Variants in FUNDC2 observed in about 807,000 individuals in gnomAD.
FUNDC2 encodes FUN14 domain containing 2.
FUNDC2 carries 4 observed loss-of-function variants against 15.6 expected under a neutral mutation model. That is an observed-to-expected ratio of 0.26 (90% CI 0.13 to 0.59). The LOEUF (loss-of-function observed/expected upper bound fraction) is 0.59, where lower values mean the gene tolerates loss of function less well. FUNDC2 is among the 20% of genes least tolerant of loss of function. The pLI is 0.90. For missense variants in FUNDC2, 98 were observed against 149.7 expected, an observed-to-expected ratio of 0.65 and a Z score of 1.80; for synonymous variants, 44 against 56.9, an observed-to-expected ratio of 0.77 and a Z score of 1.02.
rs368083325 is a variant in FUNDC2, at chrX:155,057,852, G to T, written c.*3180G>T. 9.0e-6 allele frequency: 1 copy of T among 111,563 alleles called. No individual in the cohort carries two copies. The highest frequency in any genetic ancestry group is 3.8e-4 in the South Asian group (1 of 2,640). 9.2% of individuals were successfully genotyped at this position (111,563 alleles called of 1,213,427 possible). ...TCCCCAGAGTCGGAGAGCAGAGACG[G>T]ATCCAGGGGCACTTTCTGGCCGCTG... On this transcript the variant is annotated 3_prime_UTR_variant, in exon 5 of 5. Transcript: ENST00000369498.
intron 2 of FUNDC2, among the ~76,000 whole-genome samples, chrX:155,044,113 A>G (rs1385737390): frequency 8.9e-6 from 1 of 112,250 alleles, no homozygotes; most frequent in Non-Finnish European, 1.9e-5. Context: ...TGTAGGCTTT[A>G]TGGATCACAC....
chrX:155,052,918 G>A (rs1166195385), intron 4 of FUNDC2, among the ~76,000 whole-genome samples: 2 of 112,699 alleles, frequency 1.8e-5, no homozygotes, highest in Non-Finnish European at 3.8e-5. Context: ...TCACTCTGTT[G>A]CCCAGGCTGG....
chrX:155,030,080 A>G (rs187001415), intron 1 of FUNDC2, among the ~76,000 whole-genome samples: 36 of 111,779 alleles, frequency 3.2e-4, no homozygotes, highest in Admixed American at 2.9e-3. Flanking sequence ...TATTGGTCTT[A>G]TAATGTGTGA....
intron 4 of FUNDC2, among the ~76,000 whole-genome samples, chrX:155,053,128 C>G (rs1289003094): frequency 8.9e-6 from 1 of 112,582 alleles, no homozygotes; most frequent in Non-Finnish European, 1.9e-5. Flanking sequence ...CTCGGCCTCC[C>G]AAAGTGCTGG....
At position 155,057,095 on chromosome X, in the gene FUNDC2, C is replaced by T. The variant is rs1306755794; in HGVS notation, c.*2423C>T. On this transcript the variant is annotated 3_prime_UTR_variant, in exon 5 of 5. Coordinates refer to ENST00000369498, the MANE Select transcript of FUNDC2 (RefSeq NM_023934.4). ...GCCCACGGTGTGAGGCCACTGTGAC[C>T]ACTTGGGATTGTGCAGAGCTGGCAT... The T allele has an allele frequency of 3.8e-5, 4 of 104,697 alleles. No individual in the cohort carries two copies. Among genetic ancestry groups the T allele is most frequent in the African/African-American group, 1.0e-4 (3 of 29,438 alleles). 8.6% of individuals were successfully genotyped at this position (104,697 alleles called of 1,213,427 possible).
rs1224103927 is a variant in FUNDC2, at chrX:155,056,329, GAATT to G, written c.*1659_*1662del. On this transcript the variant is annotated 3_prime_UTR_variant, in exon 5 of 5. Transcript: ENST00000369498. ...TTCAGTATGTATCTCTAAAAGGTAA[GAATT>G]ATTTCTAAAAATCATAAATACCTCA... 3.6e-5 allele frequency: 4 copies of G among 111,132 alleles called. No homozygotes were observed. Among genetic ancestry groups the G allele is most frequent in the South Asian group, 3.7e-4 (1 of 2,678 alleles). 9.2% of individuals were successfully genotyped at this position (111,132 alleles called of 1,213,427 possible).
At position 155,055,149 on chromosome X, in the gene FUNDC2, T is replaced by G. The variant is rs782523293; in HGVS notation, c.*477T>G. 3.4e-6 allele frequency: 1 copy of G among 297,403 alleles called. No homozygotes were observed. Among genetic ancestry groups the G allele is most frequent in the Non-Finnish European group, 5.8e-6 (1 of 170,991 alleles). The allele number at this position is 297,403 out of a possible 1,213,427, so 24.5% of individuals were successfully genotyped here. On this transcript the variant is annotated 3_prime_UTR_variant, in exon 5 of 5. Coordinates refer to ENST00000369498, the MANE Select transcript of FUNDC2 (RefSeq NM_023934.4). ...GGTGTCTACTTTCTTTTTTAGTTGG[T>G]TTTACATTACAGAAAGCTATTTAAA...
At position 155,056,175 on chromosome X, in the gene FUNDC2, A is replaced by G. The variant is rs1338506766; in HGVS notation, c.*1503A>G. The stretch of plus-strand genomic sequence containing the variant: ...TTATGGACGCTTTCAGGAATATATA[A>G]AAGTAGAGAATATAGTACAATAATC... On this transcript the variant is annotated 3_prime_UTR_variant, in exon 5 of 5. Transcript: ENST00000369498. 3 of 111,999 alleles carry G rather than the reference A, an allele frequency of 2.7e-5. No homozygotes were observed. Among genetic ancestry groups the G allele is most frequent in the African/African-American group, 9.7e-5 (3 of 30,785 alleles). The allele number at this position is 111,999 out of a possible 1,213,427, so 9.2% of individuals were successfully genotyped here.
chrX:155,028,087 T>C (rs1447656654), intron 1 of FUNDC2, among the ~76,000 whole-genome samples: 2 of 112,459 alleles, frequency 1.8e-5, no homozygotes, highest in African/African-American at 6.4e-5. Context: ...ACTGCTCTTA[T>C]AGACTTTTAT....
intron 2 of FUNDC2, among the ~76,000 whole-genome samples, chrX:155,035,837 T>G (rs1214640738): frequency 8.9e-6 from 1 of 112,390 alleles, no homozygotes; most frequent in Non-Finnish European, 1.9e-5. Flanking sequence ...TTTCTGTTTA[T>G]CAACAGTTCA....
rs782684107 is a variant in FUNDC2 at position 155,051,751 on chromosome X, A to G, written c.442A>G (p.Ile148Val). ...GAAGAAAGCCAAAGAGCAGCTGAAG[A>G]TCCGTAAGAGCAATCAGATACCTAC... ...DMKKAKEQLK[I>V]RKSNQIPTEV... The change falls in exon 4 of 5, where the codon ATC becomes GTC. Residue 148 changes from isoleucine (I) to valine (V), a missense_variant. Coordinates refer to ENST00000369498, the MANE Select transcript of FUNDC2 (RefSeq NM_023934.4). 1 of 1,211,260 alleles carries G rather than the reference A, an allele frequency of 8.3e-7. No homozygotes were observed. Among genetic ancestry groups the G allele is most frequent in the Admixed American group, 2.2e-5 (1 of 46,108 alleles).
At chrX:155,048,310 G>A (rs2124196108) in intron 3 of FUNDC2, among the ~76,000 whole-genome samples, 1 of 111,734 alleles carries the variant, frequency 8.9e-6, no homozygotes, top group East Asian at 2.8e-4. Context: ...CATAATGTTG[G>A]GAGATCAGTT....
Position 155,026,848 on chromosome X carries a change from C to G in FUNDC2, c.-91C>G. 1 of 1,129,277 alleles carries G rather than the reference C, an allele frequency of 8.9e-7. No individual in the cohort carries two copies. Among genetic ancestry groups the G allele is most frequent in the Non-Finnish European group, 1.2e-6 (1 of 851,659 alleles). 93.1% of individuals were successfully genotyped at this position (1,129,277 alleles called of 1,213,427 possible). On this transcript the variant is annotated 5_prime_UTR_variant, in exon 1 of 5. Coordinates refer to ENST00000369498, the MANE Select transcript of FUNDC2 (RefSeq NM_023934.4). ...GGGCGGGACCGCGGGGCCTGTGACA[C>G]CGCACGCTGAGCTCTGTGATGTAGC...
In FUNDC2 at chrX:155,056,133, T is replaced by A. The variant is rs2073894858; in HGVS notation, c.*1461T>A. The stretch of plus-strand genomic sequence containing the variant: ...CTGCATATTTTGCTATAAGAACTTA[T>A]TTTTTTTCACTTTTTATTATGGACG... On this transcript the variant is annotated 3_prime_UTR_variant, in exon 5 of 5. Coordinates refer to ENST00000369498, the MANE Select transcript of FUNDC2 (RefSeq NM_023934.4). The A allele has an allele frequency of 9.0e-6, 1 of 111,219 alleles. No homozygotes were observed. The highest frequency in any genetic ancestry group is 3.3e-5 in the African/African-American group (1 of 30,559). 9.2% of individuals were successfully genotyped at this position (111,219 alleles called of 1,213,427 possible).
chrX:155,038,997 A>G (rs1179367587), intron 2 of FUNDC2, among the ~76,000 whole-genome samples: 1 of 112,336 alleles, frequency 8.9e-6, no homozygotes, highest in Non-Finnish European at 1.9e-5. Context: ...TTTTCTCTAC[A>G]TCCTCACCAA....
Position 155,058,911 on chromosome X carries a change from T to C in FUNDC2, c.*4239T>C, listed in dbSNP as rs1443872749. 1 of 111,621 alleles carries C rather than the reference T, an allele frequency of 9.0e-6. No individual in the cohort carries two copies. Among genetic ancestry groups the C allele is most frequent in the Non-Finnish European group, 1.9e-5 (1 of 53,095 alleles). 9.2% of individuals were successfully genotyped at this position (111,621 alleles called of 1,213,427 possible). On this transcript the variant is annotated 3_prime_UTR_variant, in exon 5 of 5. Coordinates refer to ENST00000369498, the MANE Select transcript of FUNDC2 (RefSeq NM_023934.4). ...CTGACTTTTCAAAAGTGTCTACCTT[T>C]TTAAATTTTAAAATGGTAAGAAATG... is the stretch of plus-strand genomic sequence containing the variant.
intron 2 of FUNDC2, among the ~76,000 whole-genome samples, chrX:155,043,493 AT>A (rs1557289787): frequency 8.9e-6 from 1 of 111,770 alleles, no homozygotes; most frequent in East Asian, 2.8e-4. Flanking sequence ...GGTGCTAGAT[AT>A]TTTTTATTCT....
chrX:155,054,174 A>G lies in FUNDC2; in HGVS notation c.493-421A>G, dbSNP rs2073886895. 8.0e-6 allele frequency: 6 copies of G among 751,882 alleles called. No homozygotes were observed. The South Asian group carries it at 4.1e-4, about 51-fold the overall frequency. 62.0% of individuals were successfully genotyped at this position (751,882 alleles called of 1,213,427 possible). A position where few individuals can be genotyped will look rare whatever the true frequency, so the allele number is the denominator to read the frequency against. Reference sequence around the variant, plus strand: ...AGACTTCAGGAAATGAGAAGCCTCTATTGGAGGGTAGATGCCAAAGAGGAT... The same window carrying G: ...AGACTTCAGGAAATGAGAAGCCTCTGTTGGAGGGTAGATGCCAAAGAGGAT... On this transcript the variant is annotated intron_variant, in intron 4 of 4. Transcript: ENST00000369498.
chrX:155,053,546 C>CAA (rs1177698879), intron 4 of FUNDC2, among the ~76,000 whole-genome samples: 7 of 111,192 alleles, frequency 6.3e-5, no homozygotes, highest in African/African-American at 2.3e-4. Context: ...TGGCAGATGA[C>CAA]AAAAGTGCTT....
Sources: gnomAD v4.1 joint callset for allele counts (sites outside exome capture counted in the v4.1 genomes callset) on GRCh38, gnomAD v4.1.1 for gene constraint, MANE v1.5 for transcripts, NCBI Gene and HGNC (gene_info 2026-07-23, HGNC 2026-07-21) for gene names.